Variants in NTS observed in about 807,000 individuals in gnomAD.
NTS encodes the protein neurotensin.
In NTS, 20 loss-of-function variants were observed where a neutral mutation model predicts 19.5. The ratio of observed to expected loss-of-function variants is 1.02; its 90% CI spans 0.72 to 1.49. The LOEUF is 1.49. Ranked by LOEUF, NTS falls within the 40% of genes most tolerant of loss-of-function variation. The probability of loss-of-function intolerance (pLI) is 0.00; values close to 1 mark genes in which losing one functional copy is unlikely to be tolerated. For synonymous variants in NTS, 71 were observed against 63.3 expected (o/e 1.12, Z -0.58); for missense variants, 215 against 193.1 (o/e 1.11, Z -0.67).
chr12:85,876,906 A>G (rs1881358761), intron 2 of NTS, among the ~76,000 whole-genome samples: 1 of 152,056 alleles, frequency 6.6e-6, no homozygotes, highest in Non-Finnish European at 1.5e-5. Context: ...AATTCTATCA[A>G]TCAGCATGTT....
chr12:85,879,718 T>C (rs190213389), intron 3 of NTS, among the ~76,000 whole-genome samples: 7,375 of 119,340 alleles, frequency 0.062, 38 homozygotes, highest in Non-Finnish European at 0.093. Flanking sequence ...ATAAAATATA[T>C]TTTTTGTATA....
At chr12:85,874,662 C>T (rs1251780863) in intron 1 of NTS, among the ~76,000 whole-genome samples, 186 bp downstream of exon 1, 1 of 152,092 alleles carries the variant, frequency 6.6e-6, no homozygotes, top group Non-Finnish European at 1.5e-5. Flanking sequence ...TGTATTTTCT[C>T]TTTTAAAATC....
Position 85,878,554 on chromosome 12 carries a change from T to G in NTS, c.345T>G (p.Ala115=). The G allele has an allele frequency of 6.2e-7, 1 of 1,607,572 alleles. No homozygotes were observed. Among genetic ancestry groups the G allele is most frequent in the South Asian group, 1.1e-5 (1 of 90,186 alleles). Residue 115 remains alanine (A), a synonymous_variant, in exon 3 of 4, where the codon GCT becomes GCG. Coordinates refer to ENST00000256010, the MANE Select transcript of NTS (RefSeq NM_006183.5). ...TCCACAAAATCTGTCACAGCAGGGCTTTTCAACACTGGGAGGTATAGCAAT... is the reference window on the plus strand; with the variant it reads ...TCCACAAAATCTGTCACAGCAGGGCGTTTCAACACTGGGAGGTATAGCAAT... ...YQLHKICHSR[A]FQHWELIQED...
At chr12:85,881,302 A>G (rs61930904) in intron 3 of NTS, among the ~76,000 whole-genome samples, 11,350 of 152,226 alleles carry the variant, frequency 0.075, 598 homozygotes, top group Middle Eastern at 0.21. Context: ...ATGCATTGCA[A>G]TTTAAAACTT....
chr12:85,875,800 A>T (rs1420163184), intron 1 of NTS, among the ~76,000 whole-genome samples: 1 of 152,022 alleles, frequency 6.6e-6, no homozygotes, highest in Non-Finnish European at 1.5e-5. Flanking sequence ...TGTATAATTT[A>T]GGTTCTAGGT....
At position 85,877,072 on chromosome 12, in the gene NTS, G is replaced by A. The variant is rs552228636; in HGVS notation, c.135+371G>A. On this transcript the variant is annotated intron_variant, in intron 2 of 3. Transcript: ENST00000256010. ...TCTTTGCCTTTTTTATTATATTGGG[G>A]GAAATAAAAAGGTGTTCCTAAATTA... 3.7e-4 allele frequency among the ~76,000 whole-genome samples: 56 copies of A among 151,958 alleles called. No homozygotes were observed. The South Asian group carries it at 4.1e-3, about 11-fold the overall frequency.
intron 3 of NTS, 24 bp from the exon 4 acceptor site, chr12:85,882,199 A>G: frequency 6.5e-7 from 1 of 1,541,798 alleles, no homozygotes; most frequent in Non-Finnish European, 8.8e-7. Flanking sequence ...TGTAAGTTTC[A>G]CTTATTTTAT....
Position 85,878,530 on chromosome 12 carries a change from CCACAAAATCTGT to C in NTS, c.326_337del (p.Lys109_His112del), listed in dbSNP as rs752476077. On this transcript the variant is annotated inframe_deletion, in exon 3 of 4. Coordinates refer to ENST00000256010, the MANE Select transcript of NTS (RefSeq NM_006183.5). ...AAGCAATGTTGACAATATACCAGCT[CCACAAAATCTGT>C]CACAGCAGGGCTTTTCAACACTGGG... 6.2e-7 allele frequency: 1 copy of C among 1,612,864 alleles called. No individual in the cohort carries two copies. The highest frequency in any genetic ancestry group is 8.5e-7 in the Non-Finnish European group (1 of 1,179,406).
chr12:85,881,881 G>C (rs1244349969), intron 3 of NTS, among the ~76,000 whole-genome samples: 7 of 151,990 alleles, frequency 4.6e-5, no homozygotes, highest in Admixed American at 3.9e-4. Context: ...AGCCTGAAAA[G>C]TACTCAAAGG....
chr12:85,876,548 A>G, intron 1 of NTS, 92 bp from the exon 2 acceptor site: 1 of 690,622 alleles, frequency 1.4e-6, no homozygotes, highest in Admixed American at 3.1e-5. Context: ...ACTAACCTCT[A>G]AGATTTTTTT....
rs966313085 is a variant in NTS, at chr12:85,874,330, G to C, written c.-74G>C. 2.8e-5 allele frequency: 28 copies of C among 1,016,672 alleles called. No individual in the cohort carries two copies. Among genetic ancestry groups the C allele is most frequent in the South Asian group, 7.7e-5 (6 of 78,152 alleles). The allele number at this position is 1,016,672 out of a possible 1,614,324, so 63.0% of individuals were successfully genotyped here. On this transcript the variant is annotated 5_prime_UTR_variant, in exon 1 of 4. Transcript: ENST00000256010. ...CACTTTCAAAGCCAGCTGAAGGAAA[G>C]AGGAAGTGCTAGAGAGAGCCCCCTT...
Position 85,879,740 on chromosome 12 carries a change from T to C in NTS, c.360+1171T>C, listed in dbSNP as rs1328608501. ...ATATTTTTTGTATATTTTATGTATA[T>C]AAAATATATTTTTTGTATATTTTTG... On this transcript the variant is annotated intron_variant, in intron 3 of 3. Transcript: ENST00000256010. Among the ~76,000 whole-genome samples the C allele has an allele frequency of 2.8e-5, 4 of 142,048 alleles. No individual in the cohort carries two copies. The East Asian group carries it at 7.9e-4, about 28-fold the overall frequency. 93.2% of individuals were successfully genotyped at this position (142,048 alleles called of 152,430 possible).
chr12:85,880,382 C>T (rs1248857918), intron 3 of NTS, among the ~76,000 whole-genome samples: 3 of 152,054 alleles, frequency 2.0e-5, no homozygotes, highest in African/African-American at 7.2e-5. Flanking sequence ...GGAAACATTT[C>T]TTTCAAATTA....
chr12:85,876,629 AT>A lies in NTS; in HGVS notation c.74-7del. The A allele has an allele frequency of 6.5e-7, 1 of 1,549,288 alleles. No homozygotes were observed. The highest frequency in any genetic ancestry group is 1.2e-5 in the South Asian group (1 of 83,978). ...TGTAATTATAGTAAACCTGATTTTGATTTTACTCAGATTCAGAAGAGGAAAT... is the reference window on the plus strand; with the variant it reads ...TGTAATTATAGTAAACCTGATTTTGATTTACTCAGATTCAGAAGAGGAAAT... On this transcript the variant is annotated splice_polypyrimidine_tract_variant and intron_variant, in intron 1 of 3. Transcript: ENST00000256010.
chr12:85,876,603 A>T, intron 1 of NTS, 37 bp from the exon 2 acceptor site: 1 of 1,239,512 alleles, frequency 8.1e-7, no homozygotes, highest in Non-Finnish European at 1.2e-6. Context: ...ATTATATGAT[A>T]TGTAATTATA....
intron 3 of NTS, among the ~76,000 whole-genome samples, chr12:85,881,266 A>G (rs971904753): frequency 6.6e-6 from 1 of 152,170 alleles, no homozygotes; most frequent in Non-Finnish European, 1.5e-5. Context: ...TTGAAATAAA[A>G]TACTTGGTTG....
At chr12:85,875,647 A>T (rs976400725) in intron 1 of NTS, among the ~76,000 whole-genome samples, 1 of 151,982 alleles carries the variant, frequency 6.6e-6, no homozygotes, top group Non-Finnish European at 1.5e-5. Flanking sequence ...TGGAAGAAAA[A>T]CTGGGTTATT....
At chr12:85,880,811 G>C (rs1165432772) in intron 3 of NTS, among the ~76,000 whole-genome samples, 1 of 152,086 alleles carries the variant, frequency 6.6e-6, no homozygotes, top group African/African-American at 2.4e-5. Flanking sequence ...AATTAGCCGG[G>C]CGTAGTGGCC....
intron 1 of NTS, among the ~76,000 whole-genome samples, chr12:85,876,232 A>C (rs1342218142): frequency 2.0e-5 from 3 of 151,940 alleles, no homozygotes; most frequent in Non-Finnish European, 4.4e-5. Context: ...AGTCTCTTGT[A>C]TAGTCTTCAT....
Sources: allele counts gnomAD v4.1 joint callset (sites outside exome capture counted in the v4.1 genomes callset), GRCh38; gene constraint gnomAD v4.1.1; transcripts MANE v1.5; gene names NCBI Gene and HGNC (gene_info 2026-07-23, HGNC 2026-07-21).